TRPC4: variants seen among roughly 807,000 people sequenced by gnomAD.
TRPC4 encodes the protein short transient receptor potential channel 4.
Under a neutral mutation model 99.4 loss-of-function variants are expected in TRPC4, and 49 were observed. The ratio of observed to expected loss-of-function variants is 0.49; its 90% CI spans 0.39 to 0.63. The LOEUF (loss-of-function observed/expected upper bound fraction) is 0.63. TRPC4 is among the 20% of genes least tolerant of loss of function. TRPC4 has a pLI of 0.00. For synonymous variants in TRPC4, 454 were observed against 425.9 expected, an observed-to-expected ratio of 1.07 and a Z score of -0.81; for missense variants, 898 against 1,152.9, an observed-to-expected ratio of 0.78 and a Z score of 3.20.
intron 1 of TRPC4, among the ~76,000 whole-genome samples, chr13:37,840,761 A>G (rs551480458): frequency 5.3e-5 from 8 of 152,166 alleles, no homozygotes; most frequent in African/African-American, 1.9e-4. Flanking sequence ...TAACATTCCC[A>G]GCATGTTCAG....
At chr13:37,816,142 A>G (rs1277491063) in intron 1 of TRPC4, among the ~76,000 whole-genome samples, 1 of 151,834 alleles carries the variant, frequency 6.6e-6, no homozygotes, top group Admixed American at 6.6e-5. Flanking sequence ...AAAAGCACAC[A>G]TCAAAACGTT....
chr13:37,747,476 A>C (rs1955819472), intron 2 of TRPC4, among the ~76,000 whole-genome samples: 1 of 152,164 alleles, frequency 6.6e-6, no homozygotes, highest in African/African-American at 2.4e-5. Context: ...ATTTATGAAA[A>C]GTTAATGCTA....
chr13:37,868,583 C>T (rs1959929993), intron 1 of TRPC4, among the ~76,000 whole-genome samples: 1 of 151,822 alleles, frequency 6.6e-6, no homozygotes, highest in Non-Finnish European at 1.5e-5. Context: ...ATTATATGAG[C>T]TCTGAGAGGC....
intron 8 of TRPC4, among the ~76,000 whole-genome samples, chr13:37,648,326 A>T (rs1341015739): frequency 6.6e-6 from 1 of 152,194 alleles, no homozygotes; most frequent in Non-Finnish European, 1.5e-5. Context: ...ATAAAGCTCA[A>T]CTAAGAGTAG....
At chr13:37,823,830 G>T (rs1179277000) in intron 1 of TRPC4, among the ~76,000 whole-genome samples, 1 of 150,284 alleles carries the variant, frequency 6.7e-6, no homozygotes, top group African/African-American at 2.4e-5. Context: ...TAGCTTGATG[G>T]GGATGGCATT....
intron 2 of TRPC4, among the ~76,000 whole-genome samples, chr13:37,750,836 C>T (rs1955914169): frequency 6.6e-6 from 1 of 151,860 alleles, no homozygotes; most frequent in Non-Finnish European, 1.5e-5. Context: ...GTGTGATGTA[C>T]CCCTCCCTGT....
chr13:37,864,234 T>A (rs1959589942), intron 1 of TRPC4, among the ~76,000 whole-genome samples: 1 of 151,594 alleles, frequency 6.6e-6, no homozygotes, highest in Non-Finnish European at 1.5e-5. Flanking sequence ...GAGAAACACT[T>A]GTATCTGTCC....
chr13:37,828,298 C>G lies in TRPC4; in HGVS notation c.-28+41297G>C, dbSNP rs186832247. Among the ~76,000 whole-genome samples, 473 of 152,234 alleles carry G rather than the reference C, an allele frequency of 3.1e-3. 3 individuals carry two copies. The highest frequency in any genetic ancestry group is 0.011 in the African/African-American group (452 of 41,550). On this transcript the variant is annotated intron_variant, in intron 1 of 10. Transcript: ENST00000379705. ...CTATTCGGCCATCTTGGCTCCTCCC[C>G]CTCCAGAATGGTTATTTTTAAAAAG...
chr13:37,708,400 T>C (rs1256060540), intron 3 of TRPC4, among the ~76,000 whole-genome samples: 2 of 152,100 alleles, frequency 1.3e-5, no homozygotes, highest in Non-Finnish European at 2.9e-5. Context: ...ATCATACATA[T>C]GCTAAATGTA....
chr13:37,748,682 T>G (rs1283411210), intron 2 of TRPC4, among the ~76,000 whole-genome samples: 1 of 151,770 alleles, frequency 6.6e-6, no homozygotes, highest in Non-Finnish European at 1.5e-5. Context: ...ATTAAGAATT[T>G]CAAATTCATT....
At chr13:37,835,797 T>C (rs1173086597) in intron 1 of TRPC4, among the ~76,000 whole-genome samples, 1 of 152,234 alleles carries the variant, frequency 6.6e-6, no homozygotes, top group Non-Finnish European at 1.5e-5. Context: ...ATTCCCAATA[T>C]ATTGGTTAAT....
chr13:37,863,742 T>C (rs1185572631), intron 1 of TRPC4, among the ~76,000 whole-genome samples: 2 of 151,670 alleles, frequency 1.3e-5, no homozygotes, highest in Non-Finnish European at 3.0e-5. Flanking sequence ...TGTCCTCTCA[T>C]CCCTCCATTG....
rs140368183 is a variant in TRPC4, at chr13:37,667,299, G to A, written c.1375-3570C>T. Among the ~76,000 whole-genome samples the A allele has an allele frequency of 1.7e-4, 26 of 152,156 alleles. No homozygotes were observed. In the East Asian group the frequency reaches 3.9e-3, roughly 23 times the overall value. ...AAGTCTTATGTCCTCCATCATCTATGTATCTCCTCAGGAATCTTGTTTTTT... is the reference window on the plus strand; with the variant it reads ...AAGTCTTATGTCCTCCATCATCTATATATCTCCTCAGGAATCTTGTTTTTT... On this transcript the variant is annotated intron_variant, in intron 5 of 10. Transcript: ENST00000379705.
chr13:37,779,913 T>C (rs1353300318), intron 2 of TRPC4, among the ~76,000 whole-genome samples: 1 of 152,094 alleles, frequency 6.6e-6, no homozygotes. Flanking sequence ...ACATTTTGTG[T>C]TTGCCAAATC....
intron 2 of TRPC4, among the ~76,000 whole-genome samples, chr13:37,748,620 A>G (rs1442590191): frequency 6.6e-6 from 1 of 151,548 alleles, no homozygotes. Context: ...TGAATGGTCA[A>G]TTGATTGGTC....
chr13:37,702,924 G>A (rs1156952450), intron 3 of TRPC4, among the ~76,000 whole-genome samples: 2 of 152,068 alleles, frequency 1.3e-5, no homozygotes, highest in East Asian at 3.9e-4. Context: ...TAAGCAACTA[G>A]TACATAGTTG....
At chr13:37,810,320 A>T (rs1957641415) in intron 1 of TRPC4, among the ~76,000 whole-genome samples, 2 of 152,036 alleles carry the variant, frequency 1.3e-5, no homozygotes, top group African/African-American at 4.8e-5. Context: ...TATTTTAATA[A>T]TCCTTTTCTA....
intron 1 of TRPC4, among the ~76,000 whole-genome samples, chr13:37,843,686 A>ACC: frequency 7.1e-6 from 1 of 140,410 alleles, no homozygotes; most frequent in African/African-American, 2.8e-5. Context: ...TTGGTGACAC[A>ACC]CACACACACA....
intron 3 of TRPC4, among the ~76,000 whole-genome samples, chr13:37,737,531 G>C (rs1955437518): frequency 6.6e-6 from 1 of 152,070 alleles, no homozygotes; most frequent in African/African-American, 2.4e-5. Flanking sequence ...GGAATGCACT[G>C]GTACAATCTT....
Sources: gnomAD v4.1 joint callset for allele counts (sites outside exome capture counted in the v4.1 genomes callset) on GRCh38, gnomAD v4.1.1 for gene constraint, MANE v1.5 for transcripts, NCBI Gene and HGNC (gene_info 2026-07-23, HGNC 2026-07-21) for gene names.